Variants in RSPO2 observed in about 807,000 individuals in gnomAD.
The protein encoded by RSPO2 is R-spondin 2.
A neutral mutation model predicts 30.9 loss-of-function variants in RSPO2; 14 were observed. The ratio of observed to expected loss-of-function variants is 0.45; its 90% CI spans 0.30 to 0.71. RSPO2 has a LOEUF of 0.71. Among genes scored for constraint, RSPO2 ranks in the 30% least tolerant of loss-of-function variants. The pLI is 0.08. For synonymous variants in RSPO2, 107 were observed against 96.4 expected (o/e 1.11, Z -0.64); for missense variants, 264 against 301.9 (o/e 0.87, Z 0.93).
At chr8:108,080,247 CT>C (rs963574215) in intron 2 of RSPO2, among the ~76,000 whole-genome samples, 2 of 152,290 alleles carry the variant, frequency 1.3e-5, no homozygotes, top group East Asian at 3.9e-4. Flanking sequence ...ACAGTACACC[CT>C]TTGTTGGTAC....
chr8:107,926,356 G>A (rs1812370439), intron 5 of RSPO2, among the ~76,000 whole-genome samples: 1 of 152,044 alleles, frequency 6.6e-6, no homozygotes, highest in Non-Finnish European at 1.5e-5. Context: ...TAGGTTGCCT[G>A]TTCACTCTGA....
intron 2 of RSPO2, among the ~76,000 whole-genome samples, chr8:108,057,536 C>T (rs75281416): frequency 1.3e-5 from 2 of 152,094 alleles, no homozygotes; most frequent in Non-Finnish European, 2.9e-5. Context: ...AAGACAAACA[C>T]CTAAATGTCT....
At chr8:108,053,391 C>T (rs1233252612) in intron 2 of RSPO2, among the ~76,000 whole-genome samples, 1 of 152,174 alleles carries the variant, frequency 6.6e-6, no homozygotes, top group Non-Finnish European at 1.5e-5. Context: ...AAATCCTTCC[C>T]ATCAACAGTT....
rs999801231 is a variant in RSPO2 at position 107,900,924 on chromosome 8, CA to C, written c.*150del. The C allele has an allele frequency of 1.3e-6, 1 of 748,358 alleles. No individual in the cohort carries two copies. Among genetic ancestry groups the C allele is most frequent in the African/African-American group, 1.8e-5 (1 of 56,446 alleles). The allele number at this position is 748,358 out of a possible 1,614,324, so 46.4% of individuals were successfully genotyped here. A position where few individuals can be genotyped will look rare whatever the true frequency, so the allele number is the denominator to read the frequency against. Reference sequence around the variant, plus strand: ...ATCAAAGCATAAATAACACAGGGGCCATGCTGGTGGTGCTTCCTTTCACCAT... The same window carrying C: ...ATCAAAGCATAAATAACACAGGGGCCTGCTGGTGGTGCTTCCTTTCACCAT... On this transcript the variant is annotated 3_prime_UTR_variant, in exon 6 of 6. Coordinates refer to ENST00000276659, the MANE Select transcript of RSPO2 (RefSeq NM_178565.5).
chr8:107,916,232 T>C (rs1002131820), intron 5 of RSPO2, among the ~76,000 whole-genome samples: 4 of 152,186 alleles, frequency 2.6e-5, no homozygotes, highest in Admixed American at 2.6e-4. Flanking sequence ...ATATATCACA[T>C]TTGCTAAATG....
At chr8:108,020,949 T>C (rs1022799747) in intron 2 of RSPO2, among the ~76,000 whole-genome samples, 1 of 152,244 alleles carries the variant, frequency 6.6e-6, no homozygotes, top group Admixed American at 6.5e-5. Flanking sequence ...ACTTCAGTAC[T>C]TGGTGTCAAA....
intron 5 of RSPO2, among the ~76,000 whole-genome samples, chr8:107,903,989 G>C (rs192668796): frequency 1.8e-4 from 28 of 151,414 alleles, no homozygotes; most frequent in African/African-American, 6.1e-4. Context: ...ATACAGAAAG[G>C]GTCTTTCATA....
chr8:107,916,816 A>T (rs1811997222), intron 5 of RSPO2, among the ~76,000 whole-genome samples: 1 of 152,226 alleles, frequency 6.6e-6, no homozygotes, highest in Non-Finnish European at 1.5e-5. Context: ...CCATGTGCCC[A>T]AATAACATGG....
chr8:107,991,415 A>C (rs1814844243), intron 2 of RSPO2, among the ~76,000 whole-genome samples: 1 of 152,228 alleles, frequency 6.6e-6, no homozygotes, highest in Non-Finnish European at 1.5e-5. Flanking sequence ...GATGCATCAA[A>C]GACTTAAAGG....
chr8:107,961,009 C>A (rs1813609345), intron 3 of RSPO2, among the ~76,000 whole-genome samples, 192 bp from the exon 4 acceptor site: 1 of 152,172 alleles, frequency 6.6e-6, no homozygotes, highest in East Asian at 1.9e-4. Context: ...CAGCTTACTA[C>A]ATCAAGAATC....
chr8:108,042,828 T>A (rs1457768537), intron 2 of RSPO2, among the ~76,000 whole-genome samples: 1 of 152,108 alleles, frequency 6.6e-6, no homozygotes, highest in Non-Finnish European at 1.5e-5. Context: ...ATCAAAGGCT[T>A]TGTTTGGAGT....
At position 107,909,543 on chromosome 8, in the gene RSPO2, C is replaced by T. The variant is rs571006257; in HGVS notation, c.617-8353G>A. On this transcript the variant is annotated intron_variant, in intron 5 of 5. Coordinates refer to ENST00000276659, the MANE Select transcript of RSPO2 (RefSeq NM_178565.5). Reference sequence around the variant, plus strand: ...CAGTACAGGCATGAACCACCATGCCCGGCCACTTTCCCAGCTTTAAAGGTC... The same window carrying T: ...CAGTACAGGCATGAACCACCATGCCTGGCCACTTTCCCAGCTTTAAAGGTC... 2.7e-3 allele frequency among the ~76,000 whole-genome samples: 407 copies of T among 152,198 alleles called. 8 individuals are homozygous for T. Among genetic ancestry groups the T allele is most frequent in the Non-Finnish European group, 9.9e-4 (67 of 67,994 alleles).
chr8:107,948,180 T>G (rs1418295747), intron 5 of RSPO2, among the ~76,000 whole-genome samples: 1 of 152,214 alleles, frequency 6.6e-6, no homozygotes. Context: ...TCTTATTCCG[T>G]AACCTGGCTA....
intron 5 of RSPO2, among the ~76,000 whole-genome samples, chr8:107,943,037 G>C (rs559490993): frequency 6.6e-6 from 1 of 152,308 alleles, no homozygotes; most frequent in Non-Finnish European, 1.5e-5. Flanking sequence ...GTCCCAGTTA[G>C]CTGATGAGAT....
At chr8:107,912,345 A>C (rs1168282466) in intron 5 of RSPO2, among the ~76,000 whole-genome samples, 2 of 152,178 alleles carry the variant, frequency 1.3e-5, no homozygotes, top group Admixed American at 1.3e-4. Flanking sequence ...AGTACTGCTG[A>C]AAGGGTGTGC....
intron 5 of RSPO2, among the ~76,000 whole-genome samples, chr8:107,957,411 C>T (rs192980299): frequency 3.9e-5 from 6 of 152,260 alleles, no homozygotes; most frequent in African/African-American, 7.2e-5. Context: ...GATTCTGCAT[C>T]GGCCAGTCAC....
chr8:108,074,104 T>C (rs1356053990), intron 2 of RSPO2, among the ~76,000 whole-genome samples: 2 of 152,206 alleles, frequency 1.3e-5, no homozygotes, highest in East Asian at 3.9e-4. Context: ...ACAAAAACCC[T>C]AGCCCTACCT....
intron 3 of RSPO2, among the ~76,000 whole-genome samples, chr8:107,977,524 G>C (rs945358092): frequency 6.6e-6 from 1 of 152,018 alleles, no homozygotes; most frequent in Non-Finnish European, 1.5e-5. Flanking sequence ...GATGGAGATG[G>C]GATAATGATT....
At chr8:107,958,018 G>C (rs1236470752) in intron 5 of RSPO2, 62 bp downstream of exon 5, 14 of 1,118,154 alleles carry the variant, frequency 1.3e-5, no homozygotes, top group Non-Finnish European at 1.8e-5. Context: ...AGGGAAGGTG[G>C]TTAGGAAGCG....
Sources: allele counts gnomAD v4.1 joint callset (sites outside exome capture counted in the v4.1 genomes callset), GRCh38; gene constraint gnomAD v4.1.1; transcripts MANE v1.5; gene names NCBI Gene and HGNC (gene_info 2026-07-23, HGNC 2026-07-21).